The following FMN2 variants were observed in gnomAD, a reference collection of about 807,000 sequenced individuals.
The protein encoded by FMN2 is formin-2.
Under a neutral mutation model 142.3 loss-of-function variants are expected in FMN2, and 51 were observed. The ratio of observed to expected loss-of-function variants is 0.36; its 90% confidence interval spans 0.29 to 0.45. The LOEUF is 0.45. Among genes scored for constraint, FMN2 ranks in the 20% least tolerant of loss-of-function variants. The pLI is 1.00. For missense variants in FMN2, 1,936 were observed against 2,122.8 expected (o/e 0.91, Z 1.73); for synonymous variants, 882 against 869.8 (o/e 1.01, Z -0.25).
At chr1:240,118,670 G>C (rs964693902) in intron 1 of FMN2, among the ~76,000 whole-genome samples, 5 of 152,138 alleles carry the variant, frequency 3.3e-5, no homozygotes, top group African/African-American at 1.2e-4. Flanking sequence ...AGATGGGAAT[G>C]GGTGGCTGTT....
intron 16 of FMN2, among the ~76,000 whole-genome samples, chr1:240,468,661 A>G (rs941078991): frequency 6.6e-6 from 1 of 152,190 alleles, no homozygotes; most frequent in African/African-American, 2.4e-5. Context: ...TCTGGTTGTG[A>G]CATGACCATC....
chr1:240,352,846 G>A (rs977370485), intron 13 of FMN2, among the ~76,000 whole-genome samples: 1 of 152,152 alleles, frequency 6.6e-6, no homozygotes, highest in Non-Finnish European at 1.5e-5. Context: ...TGAGGCTGTC[G>A]TAAATGATAC....
chr1:240,345,657 ATTT>A (rs1452512352), intron 13 of FMN2, among the ~76,000 whole-genome samples: 3 of 151,860 alleles, frequency 2.0e-5, no homozygotes, highest in African/African-American at 7.3e-5. Flanking sequence ...TAATTTTTGT[ATTT>A]TTAGTAGAGA....
At chr1:240,385,401 T>C (rs1306582247) in intron 14 of FMN2, among the ~76,000 whole-genome samples, 2 of 152,204 alleles carry the variant, frequency 1.3e-5, no homozygotes, top group Non-Finnish European at 2.9e-5. Context: ...TAGTTGTCTC[T>C]TAGCAAAGAA....
At chr1:240,401,825 C>T (rs1315452944) in intron 15 of FMN2, among the ~76,000 whole-genome samples, 4 of 152,212 alleles carry the variant, frequency 2.6e-5, no homozygotes, top group African/African-American at 4.8e-5. Flanking sequence ...GTGGACAGGA[C>T]GCTGACATTT....
In FMN2 at chr1:240,451,627, A is replaced by G. The variant is rs74149120; in HGVS notation, c.5060+13417A>G. Among the ~76,000 whole-genome samples the G allele has an allele frequency of 2.5e-3, 378 of 152,190 alleles. 8 individuals are homozygous for G. Among genetic ancestry groups the G allele is most frequent in the African/African-American group, 8.7e-3 (361 of 41,506 alleles). ...ACAGGGGCCTCATCCCCTGAGTTTC[A>G]TTAACCTAAAGATGACCTCTGTCTC... is the stretch of plus-strand genomic sequence containing the variant. On this transcript the variant is annotated intron_variant, in intron 16 of 17. Coordinates refer to ENST00000319653, the MANE Select transcript of FMN2 (RefSeq NM_020066.5).
At chr1:240,279,702 T>C (rs1408024352) in intron 7 of FMN2, among the ~76,000 whole-genome samples, 1 of 152,180 alleles carries the variant, frequency 6.6e-6, no homozygotes, top group African/African-American at 2.4e-5. Flanking sequence ...AATCCTAATA[T>C]TTGAAACACC....
At chr1:240,391,231 C>T (rs1198575968) in intron 14 of FMN2, among the ~76,000 whole-genome samples, 1 of 152,098 alleles carries the variant, frequency 6.6e-6, no homozygotes, top group East Asian at 1.9e-4. Context: ...GAAATGATCC[C>T]TGTGAAATCC....
In FMN2 at chr1:240,168,498, A is replaced by AG. The variant is rs1407005122; in HGVS notation, c.1783-9421dup. 3.3e-5 allele frequency among the ~76,000 whole-genome samples: 5 copies of AG among 152,264 alleles called. No homozygotes were observed. In the South Asian group the frequency reaches 1.0e-3, roughly 32 times the overall value. ...TGGCCACTTGGGAGGCTGAGGTGGG[A>AG]GGATGGCTTGAACTCAGGAATTGAA... On this transcript the variant is annotated intron_variant, in intron 2 of 17. Coordinates refer to ENST00000319653, the MANE Select transcript of FMN2 (RefSeq NM_020066.5).
intron 2 of FMN2, among the ~76,000 whole-genome samples, chr1:240,150,566 C>A (rs1462000467): frequency 6.6e-6 from 1 of 152,152 alleles, no homozygotes; most frequent in Non-Finnish European, 1.5e-5. Context: ...CTAAAGAGTA[C>A]TGAGCTAGGT....
At chr1:240,454,523 T>C (rs1262932790) in intron 16 of FMN2, among the ~76,000 whole-genome samples, 3 of 152,230 alleles carry the variant, frequency 2.0e-5, no homozygotes, top group African/African-American at 7.2e-5. Context: ...GCCTCGGTGA[T>C]GGAGTGAGAC....
At chr1:240,468,245 CACAT>C (rs1431548999) in intron 16 of FMN2, among the ~76,000 whole-genome samples, 1 of 144,128 alleles carries the variant, frequency 6.9e-6, no homozygotes, top group South Asian at 2.2e-4. Flanking sequence ...TTCACACACA[CACAT>C]ATATACATAT....
chr1:240,230,879 G>A (rs1667507699), intron 6 of FMN2, among the ~76,000 whole-genome samples: 1 of 131,812 alleles, frequency 7.6e-6, no homozygotes, highest in African/African-American at 3.2e-5. Context: ...TAGAATCTGA[G>A]TTGAAATCCA....
At chr1:240,250,268 A>C (rs1244889057) in intron 6 of FMN2, among the ~76,000 whole-genome samples, 1 of 152,148 alleles carries the variant, frequency 6.6e-6, no homozygotes. Flanking sequence ...TGTTCCTACT[A>C]TACCTAGATT....
At chr1:240,356,889 G>A (rs1253043974) in intron 14 of FMN2, among the ~76,000 whole-genome samples, 1 of 152,170 alleles carries the variant, frequency 6.6e-6, no homozygotes, top group African/African-American at 2.4e-5. Context: ...AATCATTTAA[G>A]ATAATTGTGA....
chr1:240,410,625 T>G (rs1674358689), intron 15 of FMN2, among the ~76,000 whole-genome samples: 1 of 152,318 alleles, frequency 6.6e-6, no homozygotes, highest in Non-Finnish European at 1.5e-5. Context: ...AGAAATTTTT[T>G]GGGATTTAGA....
chr1:240,310,067 C>T (rs1475428426), intron 8 of FMN2, among the ~76,000 whole-genome samples: 1 of 152,114 alleles, frequency 6.6e-6, no homozygotes, highest in African/African-American at 2.4e-5. Context: ...TGAAAGATAG[C>T]TGAATAGTCT....
rs1558449497 is a variant in FMN2 at position 240,355,950 on chromosome 1, GCAA to G, written c.4858+43_4858+45del. The G allele has an allele frequency of 5.8e-5, 5 of 85,578 alleles. No individual in the cohort carries two copies. In the African/African-American group the frequency reaches 9.0e-4, roughly 15 times the overall value. 5.3% of individuals were successfully genotyped at this position (85,578 alleles called of 1,614,324 possible). A position where few individuals can be genotyped will look rare whatever the true frequency, so the allele number is the denominator to read the frequency against. ...TGTGTTATGTTTTTCTCCCCTTTCA[GCAA>G]AAAAAAAAAAAAAAAAAAAAAAAAA... On this transcript the variant is annotated intron_variant, in intron 14 of 17. Transcript: ENST00000319653.
At chr1:240,100,636 C>T (rs190382082) in intron 1 of FMN2, among the ~76,000 whole-genome samples, 228 of 152,292 alleles carry the variant, frequency 1.5e-3, no homozygotes, top group Middle Eastern at 3.4e-3. Flanking sequence ...CCTACTGCTC[C>T]ACTATGGGTG....
Sources: allele counts gnomAD v4.1 joint callset (sites outside exome capture counted in the v4.1 genomes callset), GRCh38; gene constraint gnomAD v4.1.1; transcripts MANE v1.5; gene names NCBI Gene and HGNC (gene_info 2026-07-23, HGNC 2026-07-21).